The following ASTN2 variants were observed in gnomAD, a reference collection of about 807,000 sequenced individuals.
ASTN2 encodes astrotactin 2, also known as astrotactin-2.
In ASTN2, 54 loss-of-function variants were observed where a neutral mutation model predicts 139.8. That is an observed-to-expected ratio of 0.39 (90% CI 0.31 to 0.48). ASTN2 has a LOEUF of 0.48. ASTN2 is among the 20% of genes least tolerant of loss of function. ASTN2 has a pLI of 0.95. For synonymous variants in ASTN2, 756 were observed against 719.5 expected (o/e 1.05, Z -0.81); for missense variants, 1,565 against 1,725.1 (o/e 0.91, Z 1.64).
At chr9:116,750,480 G>C (rs1200625733) in intron 13 of ASTN2, among the ~76,000 whole-genome samples, 1 of 152,066 alleles carries the variant, frequency 6.6e-6, no homozygotes, top group Non-Finnish European at 1.5e-5. Context: ...CCTCTAATGA[G>C]CTTTGCAAAA....
At chr9:117,259,736 T>C (rs1238763582) in intron 2 of ASTN2, among the ~76,000 whole-genome samples, 2 of 152,194 alleles carry the variant, frequency 1.3e-5, no homozygotes, top group Non-Finnish European at 2.9e-5. Context: ...ATTGATGTAT[T>C]ATGTCTCCCT....
chr9:116,609,026 T>C (rs1855367155), intron 19 of ASTN2, among the ~76,000 whole-genome samples: 1 of 152,004 alleles, frequency 6.6e-6, no homozygotes, highest in African/African-American at 2.4e-5. Context: ...CACTAGAAAC[T>C]ATCCAAAATG....
intron 20 of ASTN2, among the ~76,000 whole-genome samples, chr9:116,452,655 G>A (rs1411227936): frequency 6.6e-6 from 1 of 152,190 alleles, no homozygotes; most frequent in East Asian, 1.9e-4. Flanking sequence ...TGGAAATTTG[G>A]ATTGACTTTC....
chr9:116,856,506 A>C (rs1832745597), intron 11 of ASTN2, among the ~76,000 whole-genome samples: 1 of 152,230 alleles, frequency 6.6e-6, no homozygotes, highest in South Asian at 2.1e-4. Flanking sequence ...TTACACTGCA[A>C]TTGAGTCATT....
chr9:117,298,724 GTGTGTGTGTA>G (rs1310907533), intron 1 of ASTN2, among the ~76,000 whole-genome samples: 1 of 145,478 alleles, frequency 6.9e-6, no homozygotes, highest in African/African-American at 2.5e-5. Context: ...GTGTGTGTGT[GTGTGTGTGTA>G]TATATATATA....
At chr9:117,332,070 C>A (rs1194562776) in intron 1 of ASTN2, among the ~76,000 whole-genome samples, 4 of 152,032 alleles carry the variant, frequency 2.6e-5, no homozygotes, top group Non-Finnish European at 5.9e-5. Flanking sequence ...CAGCTCCCCA[C>A]CACCAAGGAA....
chr9:116,971,955 A>G (rs1475008289), intron 10 of ASTN2, among the ~76,000 whole-genome samples: 1 of 152,230 alleles, frequency 6.6e-6, no homozygotes, highest in African/African-American at 2.4e-5. Flanking sequence ...CTTGAGGTCC[A>G]TAGCCTATGC....
chr9:116,836,722 G>T (rs987225578), intron 11 of ASTN2, among the ~76,000 whole-genome samples: 6 of 151,946 alleles, frequency 3.9e-5, no homozygotes, highest in African/African-American at 1.2e-4. Flanking sequence ...TCTTTCCTTG[G>T]GTCCCAAAGG....
At chr9:117,008,348 C>T (rs1304847705) in intron 6 of ASTN2, 89 bp from the exon 7 acceptor site, 19 of 1,219,288 alleles carry the variant, frequency 1.6e-5, no homozygotes, top group East Asian at 5.4e-5. Flanking sequence ...GTACAAGCCA[C>T]GTTCCCCAGG....
intron 10 of ASTN2, among the ~76,000 whole-genome samples, chr9:116,909,660 G>T (rs369737113): frequency 1.3e-5 from 2 of 152,190 alleles, no homozygotes; most frequent in African/African-American, 4.8e-5. Context: ...GCACCTTGGT[G>T]CCCTCTAACA....
At chr9:117,083,209 A>C (rs908467116) in intron 5 of ASTN2, among the ~76,000 whole-genome samples, 3 of 152,190 alleles carry the variant, frequency 2.0e-5, no homozygotes, top group African/African-American at 7.2e-5. Flanking sequence ...ACATTAGTTG[A>C]TTATGCAAAT....
At chr9:117,119,015 C>CTT (rs1829475280) in intron 4 of ASTN2, among the ~76,000 whole-genome samples, 1 of 152,180 alleles carries the variant, frequency 6.6e-6, no homozygotes, top group African/African-American at 2.4e-5. Flanking sequence ...AAGAATAGAA[C>CTT]CTGCAGGAGT....
chr9:117,123,632 A>G (rs1829614829), intron 4 of ASTN2, among the ~76,000 whole-genome samples: 1 of 152,178 alleles, frequency 6.6e-6, no homozygotes, highest in African/African-American at 2.4e-5. Context: ...AAGAGGCTGT[A>G]TTTCTACTGG....
intron 6 of ASTN2, 42 bp downstream of exon 6, chr9:117,039,777 G>T (rs754030133): frequency 6.3e-6 from 10 of 1,593,830 alleles, no homozygotes; most frequent in Non-Finnish European, 8.5e-6. Context: ...GGGGTGCAAG[G>T]TGCTGAGTGG....
chr9:116,632,252 G>GGAAAGAAA (rs1170260019), intron 17 of ASTN2, among the ~76,000 whole-genome samples: 6,306 of 70,602 alleles, frequency 0.089, 471 homozygotes, highest in African/African-American at 0.12. Flanking sequence ...AAAGAAAGAA[G>GGAAAGAAA]GAAAGAAAGA....
chr9:116,642,206 C>T (rs185256118), intron 17 of ASTN2, among the ~76,000 whole-genome samples: 14 of 150,756 alleles, frequency 9.3e-5, no homozygotes, highest in African/African-American at 3.4e-4. Context: ...AAACACTTCC[C>T]CCATTCTCAC....
At chr9:117,129,262 C>T (rs188735243) in intron 4 of ASTN2, among the ~76,000 whole-genome samples, 151 of 152,276 alleles carry the variant, frequency 9.9e-4, no homozygotes, top group South Asian at 1.5e-3. Context: ...CTCTGCCATA[C>T]CCACTTCCTC....
chr9:117,342,564 C>T (rs72764169), intron 1 of ASTN2, among the ~76,000 whole-genome samples: 10,797 of 152,060 alleles, frequency 0.071, 533 homozygotes, highest in Non-Finnish European at 0.1. Context: ...TTTGGTACTG[C>T]CACTAATAAA....
At chr9:117,135,700 GT>G (rs1433215280) in intron 4 of ASTN2, among the ~76,000 whole-genome samples, 2 of 152,318 alleles carry the variant, frequency 1.3e-5, no homozygotes, top group African/African-American at 4.8e-5. Flanking sequence ...AGAGAAAAGA[GT>G]GGCTTGCTGG....
Sources: allele counts gnomAD v4.1 joint callset (sites outside exome capture counted in the v4.1 genomes callset), GRCh38; gene constraint gnomAD v4.1.1; transcripts MANE v1.5; gene names NCBI Gene and HGNC (gene_info 2026-07-23, HGNC 2026-07-21).